AFF1: variants seen among roughly 807,000 people sequenced by gnomAD.
AFF1 encodes ALF transcription elongation factor 1.
A neutral mutation model predicts 121.7 loss-of-function variants in AFF1; 48 were observed. The observed-to-expected ratio is 0.39, with a 90% CI of 0.31 to 0.50. AFF1 has a LOEUF of 0.50. Ranked by LOEUF, AFF1 falls within the 20% of genes least tolerant of loss-of-function variation. AFF1 has a pLI of 0.76. For missense variants in AFF1, 1,523 were observed against 1,511.7 expected (o/e 1.01, Z -0.12); for synonymous variants, 613 against 563.0 (o/e 1.09, Z -1.26).
chr4:87,002,041 A>G (rs1300178817), intron 2 of AFF1, among the ~76,000 whole-genome samples: 3 of 152,050 alleles, frequency 2.0e-5, no homozygotes, highest in Non-Finnish European at 2.9e-5. Flanking sequence ...AAATGCATAC[A>G]TTGAATGAGG....
chr4:87,067,741 A>G (rs1721508105), intron 4 of AFF1, among the ~76,000 whole-genome samples: 1 of 152,202 alleles, frequency 6.6e-6, no homozygotes, highest in Admixed American at 6.5e-5. Flanking sequence ...CTTTGGAAAC[A>G]TGTGTTTCTA....
At chr4:86,993,038 T>G (rs1724851078) in intron 2 of AFF1, among the ~76,000 whole-genome samples, 1 of 152,216 alleles carries the variant, frequency 6.6e-6, no homozygotes, top group Non-Finnish European at 1.5e-5. Flanking sequence ...TTGATTTGAT[T>G]TAGTTTTAAT....
intron 4 of AFF1, among the ~76,000 whole-genome samples, chr4:87,048,448 G>A (rs576887369): frequency 1.3e-5 from 2 of 152,332 alleles, no homozygotes; most frequent in African/African-American, 4.8e-5. Flanking sequence ...CCAAAATTAA[G>A]ATTAGTAGTG....
At chr4:87,032,272 C>T (rs1729153157) in intron 2 of AFF1, among the ~76,000 whole-genome samples, 1 of 152,088 alleles carries the variant, frequency 6.6e-6, no homozygotes, top group South Asian at 2.1e-4. Flanking sequence ...TAGATGTTTC[C>T]AGCTTTCTTC....
rs1009894348 is a variant in AFF1, at chr4:87,075,994, T to G, written c.1060-8126T>G. On this transcript the variant is annotated intron_variant, in intron 4 of 20. Coordinates refer to ENST00000395146, the MANE Select transcript of AFF1 (RefSeq NM_001166693.3). ...AAGGCCTTGTGAGGAATGCAGAGAT[T>G]ACTAAACCCTAGTTCCTGCTTGTGG... 5.3e-5 allele frequency among the ~76,000 whole-genome samples: 8 copies of G among 152,320 alleles called. No homozygotes were observed. In the East Asian group the frequency reaches 1.5e-3, roughly 29 times the overall value.
chr4:86,939,775 AAC>A (rs1446656093), intron 1 of AFF1, among the ~76,000 whole-genome samples: 1 of 152,202 alleles, frequency 6.6e-6, no homozygotes, highest in East Asian at 1.9e-4. Context: ...GGCTTGTGAA[AAC>A]ACAGGTGTGC....
intron 2 of AFF1, among the ~76,000 whole-genome samples, chr4:87,043,026 T>C (rs1352977167): frequency 6.6e-6 from 1 of 152,230 alleles, no homozygotes; most frequent in East Asian, 1.9e-4. Flanking sequence ...TTGAGGACTC[T>C]GAGCAGCCTG....
chr4:87,114,920 C>T lies in AFF1; in HGVS notation c.2087C>T (p.Ala696Val), dbSNP rs371547839. The T allele has an allele frequency of 2.3e-5, 37 of 1,612,456 alleles. No homozygotes were observed. Among genetic ancestry groups the T allele is most frequent in the African/African-American group, 2.3e-4 (17 of 74,972 alleles). The change falls in exon 12 of 21, where the codon GCG becomes GTG. Residue 696 changes from alanine to valine, a missense_variant. Ala to Val is a moderately conservative substitution (Grantham distance 64, BLOSUM62 0). Coordinates refer to ENST00000395146, the MANE Select transcript of AFF1 (RefSeq NM_001166693.3). ...PSKALSGPEP[A>V]KDNVEDRTPE... ...AAGGCTCTCTCAGGCCCAGAACCCG[C>T]GAAGGACAATGTGGAGGACAGGACC...
At chr4:87,095,362 G>A (rs151450) in intron 8 of AFF1, among the ~76,000 whole-genome samples, 50,950 of 152,038 alleles carry the variant, frequency 0.34, 9,128 homozygotes, top group Non-Finnish European at 0.39. Context: ...CAAGTGATCC[G>A]CCTGCCTCAG....
intron 4 of AFF1, among the ~76,000 whole-genome samples, chr4:87,077,285 C>T (rs1352793591): frequency 1.0e-5 from 1 of 95,938 alleles, no homozygotes; most frequent in Admixed American, 1.0e-4. Context: ...GACTGGAAAT[C>T]TGTTTTGTTT....
In AFF1 at chr4:87,131,135, T is replaced by C. The variant is rs1412753672; in HGVS notation, c.3017T>C (p.Ile1006Thr). The change falls in exon 17 of 21, where the codon ATT becomes ACT. Residue 1006 changes from isoleucine (I) to threonine (T), a missense_variant. Physicochemically the swap from Ile to Thr is moderately conservative, Grantham distance 89. This residue lies in a region of AFF1 where 6 missense variants were observed against 18.8 expected (regional missense o/e 0.32). Transcript: ENST00000395146. ...FKYLEAVLSF[I>T]ECGIATESES... ...TACCTGGAAGCCGTCTTGTCCTTCA[T>C]TGAGTGCGGAATTGCCACAGAGTCT... 1.2e-6 allele frequency: 2 copies of C among 1,614,230 alleles called. No individual in the cohort carries two copies. Among genetic ancestry groups the C allele is most frequent in the South Asian group, 1.1e-5 (1 of 91,086 alleles).
intron 2 of AFF1, among the ~76,000 whole-genome samples, chr4:86,991,167 C>T (rs1047682110): frequency 2.4e-4 from 35 of 147,850 alleles, no homozygotes; most frequent in African/African-American, 7.8e-4. Flanking sequence ...AAAAAAAAAC[C>T]GGCGCAGTGG....
Position 87,137,333 on chromosome 4 carries a change from C to T in AFF1, c.*1632C>T. The T allele has an allele frequency of 4.4e-6, 1 of 227,924 alleles. No homozygotes were observed. Among genetic ancestry groups the T allele is most frequent in the Non-Finnish European group, 8.7e-6 (1 of 114,396 alleles). The allele number at this position is 227,924 out of a possible 1,614,324, so 14.1% of individuals were successfully genotyped here. A position where few individuals can be genotyped will look rare whatever the true frequency, so the allele number is the denominator to read the frequency against. On this transcript the variant is annotated 3_prime_UTR_variant, in exon 21 of 21. Transcript: ENST00000395146. ...CCATATTTATTTATAATGAAGACATCTAAGATCCCTATGATGAATGCAGGA... is the reference window on the plus strand; with the variant it reads ...CCATATTTATTTATAATGAAGACATTTAAGATCCCTATGATGAATGCAGGA...
chr4:87,082,034 T>A (rs541059823), intron 4 of AFF1, among the ~76,000 whole-genome samples: 2 of 152,326 alleles, frequency 1.3e-5, no homozygotes, highest in South Asian at 4.1e-4. Context: ...AATCACTGTG[T>A]TGGAAACAAC....
intron 4 of AFF1, among the ~76,000 whole-genome samples, chr4:87,063,740 T>G (rs994234888): frequency 6.6e-6 from 1 of 152,210 alleles, no homozygotes; most frequent in Non-Finnish European, 1.5e-5. Context: ...GAGAATTAAA[T>G]GGGATATGTT....
chr4:86,949,710 C>T, intron 2 of AFF1: 1 of 1,584,730 alleles, frequency 6.3e-7, no homozygotes, highest in Non-Finnish European at 8.6e-7. Flanking sequence ...GGCGGGTAGT[C>T]CCGGAACTCC....
At chr4:87,084,761 G>A (rs763949648) in intron 5 of AFF1, among the ~76,000 whole-genome samples, 21 of 152,152 alleles carry the variant, frequency 1.4e-4, no homozygotes, top group Non-Finnish European at 2.9e-4. Context: ...TCTACAAACT[G>A]CAAGACATTT....
intron 15 of AFF1, 49 bp downstream of exon 15, chr4:87,127,166 T>C (rs28700060): frequency 0.17 from 174,634 of 1,041,044 alleles, 11,755 homozygotes; most frequent in Admixed American, 0.3. Flanking sequence ...TTGTTTTGCT[T>C]CCCCCCCCCA....
intron 2 of AFF1, among the ~76,000 whole-genome samples, chr4:87,012,893 G>C (rs1285359526): frequency 1.3e-5 from 2 of 152,136 alleles, no homozygotes; most frequent in African/African-American, 4.8e-5. Context: ...TGTTCACAGT[G>C]AGTTAAAGCT....
Sources: allele counts gnomAD v4.1 joint callset (sites outside exome capture counted in the v4.1 genomes callset), GRCh38; gene constraint gnomAD v4.1.1; regional missense constraint gnomAD v4.1.1; transcripts MANE v1.5; gene names NCBI Gene and HGNC (gene_info 2026-07-23, HGNC 2026-07-21).